GPD2: variants seen among roughly 807,000 people sequenced by gnomAD.
GPD2 encodes glycerol-3-phosphate dehydrogenase 2.
A neutral mutation model predicts 82.4 loss-of-function variants in GPD2; 54 were observed. That is an observed-to-expected ratio of 0.66 (90% CI 0.53 to 0.82). The LOEUF is 0.82. Among genes scored for constraint, GPD2 ranks in the 40% least tolerant of loss-of-function variants. The pLI, the probability that GPD2 is intolerant of heterozygous loss-of-function variation, is 0.00. For synonymous variants in GPD2, 288 were observed against 306.1 expected, an observed-to-expected ratio of 0.94 and a Z score of 0.62; for missense variants, 748 against 896.2, an observed-to-expected ratio of 0.83 and a Z score of 2.11.
intron 3 of GPD2, among the ~76,000 whole-genome samples, chr2:156,508,957 G>T (rs115386154): frequency 6.6e-6 from 1 of 152,082 alleles, no homozygotes; most frequent in Admixed American, 6.6e-5. Context: ...TTCTTTGAGC[G>T]GGGAGATACC....
chr2:156,434,807 G>A (rs576836160), upstream of GPD2, among the ~76,000 whole-genome samples: 8 of 152,296 alleles, frequency 5.3e-5, no homozygotes, highest in African/African-American at 1.9e-4. Flanking sequence ...TTAAATCTGG[G>A]TAGCTCAGCC....
chr2:156,515,752 A>G (rs1254478667), intron 6 of GPD2, among the ~76,000 whole-genome samples: 1 of 152,252 alleles, frequency 6.6e-6, no homozygotes, highest in African/African-American at 2.4e-5. Context: ...GCAAAGGAGT[A>G]AAAATAAGTA....
chr2:156,581,649 T>TA (rs1364460086), intron 16 of GPD2, among the ~76,000 whole-genome samples: 2 of 152,164 alleles, frequency 1.3e-5, no homozygotes, highest in Non-Finnish European at 2.9e-5. Flanking sequence ...TGAATATAGA[T>TA]ACGGTTTTTC....
chr2:156,562,567 G>C (rs1000631472), intron 9 of GPD2, among the ~76,000 whole-genome samples: 1 of 103,714 alleles, frequency 9.6e-6, no homozygotes, highest in Non-Finnish European at 2.1e-5. Flanking sequence ...TTTGAAAGTG[G>C]CAAACATGAA....
chr2:156,425,919 G>C, the GPD2 span, among the ~76,000 whole-genome samples: 1 of 148,976 alleles, frequency 6.7e-6, no homozygotes, highest in Non-Finnish European at 1.5e-5. Flanking sequence ...CCGGAGTCTG[G>C]GTACTTTTTT....
intron 6 of GPD2, 39 bp downstream of exon 6, chr2:156,513,535 T>A: frequency 6.7e-7 from 1 of 1,493,144 alleles, no homozygotes; most frequent in Non-Finnish European, 9.3e-7. Flanking sequence ...ACAAGATACT[T>A]TTCTCTCACT....
chr2:156,562,515 G>A (rs1349004777), intron 9 of GPD2, among the ~76,000 whole-genome samples: 2 of 151,916 alleles, frequency 1.3e-5, no homozygotes, highest in Non-Finnish European at 2.9e-5. Flanking sequence ...TATTTCCCCT[G>A]TGTTCATTTA....
chr2:156,505,560 T>G (rs942559604), intron 3 of GPD2, among the ~76,000 whole-genome samples: 5 of 152,158 alleles, frequency 3.3e-5, no homozygotes, highest in African/African-American at 7.2e-5. Flanking sequence ...AAACTTACTA[T>G]AAAATCTTGA....
intron 6 of GPD2, among the ~76,000 whole-genome samples, chr2:156,528,419 T>C (rs890579053): frequency 6.6e-6 from 1 of 151,348 alleles, no homozygotes; most frequent in African/African-American, 2.4e-5. Flanking sequence ...TCTTTTTTTC[T>C]TTTATTTATT....
At chr2:156,467,820 G>A (rs1683199790) in intron 1 of GPD2, among the ~76,000 whole-genome samples, 1 of 152,096 alleles carries the variant, frequency 6.6e-6, no homozygotes, top group Non-Finnish European at 1.5e-5. Flanking sequence ...CTGTTTGACT[G>A]TTTTGTTCAT....
chr2:156,437,906 T>C (rs916418034), intron 1 of GPD2, among the ~76,000 whole-genome samples: 3 of 152,230 alleles, frequency 2.0e-5, no homozygotes, highest in African/African-American at 7.2e-5. Context: ...TTAAAAGATT[T>C]GATGATTATT....
At chr2:156,509,536 G>A (rs186488677) in intron 3 of GPD2, among the ~76,000 whole-genome samples, 3 of 152,098 alleles carry the variant, frequency 2.0e-5, no homozygotes, top group Admixed American at 6.5e-5. Flanking sequence ...GCTTGGTGTC[G>A]ATGTATTCTT....
At chr2:156,582,254 G>A (rs1688051937) in intron 16 of GPD2, among the ~76,000 whole-genome samples, 1 of 151,926 alleles carries the variant, frequency 6.6e-6, no homozygotes, top group African/African-American at 2.4e-5. Context: ...CTGGGCTGTA[G>A]AGTGCTTTTA....
In GPD2 at chr2:156,557,238, T is replaced by C. The variant is rs80098669; in HGVS notation, c.972-151T>C. On this transcript the variant is annotated intron_variant, in intron 8 of 16. Coordinates refer to ENST00000438166, the MANE Select transcript of GPD2 (RefSeq NM_000408.5). ...CTAAGTTATTTTTTTCTTTTAGGAGTTTCTAGATTAGGGTAGGGGAAGTGC... is the reference window on the plus strand; with the variant it reads ...CTAAGTTATTTTTTTCTTTTAGGAGCTTCTAGATTAGGGTAGGGGAAGTGC... 1,264 of 643,932 alleles carry C rather than the reference T, an allele frequency of 2.0e-3. 9 individuals are homozygous for C. The highest frequency in any genetic ancestry group is 0.019 in the African/African-American group (1,059 of 54,518). The allele number at this position is 643,932 out of a possible 1,614,324, so 39.9% of individuals were successfully genotyped here.
intron 15 of GPD2, 68 bp downstream of exon 15, chr2:156,579,232 A>G: frequency 2.3e-6 from 2 of 887,052 alleles, no homozygotes; most frequent in African/African-American, 1.6e-5. Flanking sequence ...TGTTTTTCTC[A>G]TCTAGGGTTT....
At chr2:156,408,403 T>C in the GPD2 span, among the ~76,000 whole-genome samples, 1 of 152,130 alleles carries the variant, frequency 6.6e-6, no homozygotes, top group Non-Finnish European at 1.5e-5. Context: ...AAAGAGGTCT[T>C]GAAAGCATCG....
intron 2 of GPD2, chr2:156,495,664 T>C (rs1307427050): frequency 4.5e-6 from 2 of 440,140 alleles, no homozygotes; most frequent in African/African-American, 2.1e-5. Flanking sequence ...CACTTTAATA[T>C]GTCATCTGAA....
chr2:156,533,490 T>G (rs2105309402), intron 6 of GPD2, among the ~76,000 whole-genome samples: 1 of 152,334 alleles, frequency 6.6e-6, no homozygotes, highest in East Asian at 1.9e-4. Flanking sequence ...AATCTGATTC[T>G]GTCAGCAAGG....
intron 6 of GPD2, among the ~76,000 whole-genome samples, chr2:156,531,973 A>G (rs1408935226): frequency 2.0e-5 from 3 of 150,376 alleles, no homozygotes; most frequent in South Asian, 2.1e-4. Flanking sequence ...GTTAATAAAT[A>G]TATAATATAT....
Sources: gnomAD v4.1 joint callset for allele counts (sites outside exome capture counted in the v4.1 genomes callset) on GRCh38, gnomAD v4.1.1 for gene constraint, MANE v1.5 for transcripts, NCBI Gene and HGNC (gene_info 2026-07-23, HGNC 2026-07-21) for gene names.